The following SPOCK3 variants were observed in gnomAD, a reference collection of about 807,000 sequenced individuals.
SPOCK3 encodes the protein SPARC (osteonectin), cwcv and kazal like domains proteoglycan 3.
SPOCK3 carries 30 observed loss-of-function variants against 56.6 expected under a neutral mutation model. That is an observed-to-expected ratio of 0.53 (90% CI 0.40 to 0.72). The LOEUF is 0.72. SPOCK3 is among the 30% of genes least tolerant of loss of function. The pLI is 0.00. For synonymous variants in SPOCK3, 196 were observed against 183.3 expected (o/e 1.07, Z -0.56); for missense variants, 527 against 530.0 (o/e 0.99, Z 0.06).
intron 6 of SPOCK3, among the ~76,000 whole-genome samples, chr4:166,825,833 C>T (rs766643611): frequency 6.6e-6 from 1 of 151,978 alleles, no homozygotes; most frequent in Admixed American, 6.6e-5. Context: ...TAAGTGGGAG[C>T]TAAGCTATAA....
chr4:166,769,329 T>C (rs2126559546), intron 7 of SPOCK3, among the ~76,000 whole-genome samples: 1 of 151,102 alleles, frequency 6.6e-6, no homozygotes, highest in Non-Finnish European at 1.5e-5. Context: ...TATCTACCTT[T>C]GGTCTTTGAT....
chr4:167,081,113 G>T (rs1420167069), intron 2 of SPOCK3, among the ~76,000 whole-genome samples: 1 of 151,652 alleles, frequency 6.6e-6, no homozygotes, highest in African/African-American at 2.4e-5. Context: ...TTGCTCTTAT[G>T]CTGGCTTTTG....
intron 2 of SPOCK3, among the ~76,000 whole-genome samples, chr4:167,187,264 G>T (rs1475240777): frequency 1.1e-4 from 16 of 145,596 alleles, no homozygotes; most frequent in African/African-American, 4.1e-4. Context: ...CAACTTTAGG[G>T]TTCCAGTTTT....
chr4:166,744,181 A>T (rs1308004021), intron 8 of SPOCK3, among the ~76,000 whole-genome samples: 1 of 152,226 alleles, frequency 6.6e-6, no homozygotes, highest in Non-Finnish European at 1.5e-5. Context: ...ACCCCCGAGT[A>T]GCCTAACTGG....
intron 3 of SPOCK3, among the ~76,000 whole-genome samples, chr4:167,057,362 G>C (rs912903192): frequency 1.3e-5 from 2 of 152,138 alleles, no homozygotes; most frequent in Admixed American, 6.5e-5. Flanking sequence ...TCGAGGCTAG[G>C]AAGAAACTGC....
intron 8 of SPOCK3, among the ~76,000 whole-genome samples, chr4:166,748,870 A>G (rs193082355): frequency 7.2e-6 from 1 of 138,104 alleles, no homozygotes; most frequent in African/African-American, 3.1e-5. Flanking sequence ...TTATGCCACC[A>G]ACAGACACAG....
At chr4:166,967,238 G>A (rs6829167) in intron 4 of SPOCK3, among the ~76,000 whole-genome samples, 39,575 of 151,916 alleles carry the variant, frequency 0.26, 5,353 homozygotes, top group African/African-American at 0.32. Context: ...TCTGGCACCC[G>A]CCTAATCTGA....
At chr4:166,899,023 T>C (rs1287057209) in intron 5 of SPOCK3, among the ~76,000 whole-genome samples, 1 of 151,940 alleles carries the variant, frequency 6.6e-6, no homozygotes, top group Non-Finnish European at 1.5e-5. Context: ...TCTCTCTGCT[T>C]GAGACATCTA....
At chr4:167,127,623 C>T (rs2558126) in intron 2 of SPOCK3, among the ~76,000 whole-genome samples, 152,074 of 152,162 alleles carry the variant, frequency 1, 75,993 homozygotes, top group Middle Eastern at 1. Context: ...AGACAGGGTT[C>T]CACCGTGTTG....
intron 7 of SPOCK3, among the ~76,000 whole-genome samples, chr4:166,785,890 T>C (rs534814537): frequency 1.3e-5 from 2 of 152,296 alleles, no homozygotes; most frequent in East Asian, 1.9e-4. Context: ...CTTTTTGGTT[T>C]GTTCGTTCAA....
chr4:166,893,034 T>C (rs943325634), intron 5 of SPOCK3, among the ~76,000 whole-genome samples: 10 of 152,040 alleles, frequency 6.6e-5, no homozygotes, highest in South Asian at 4.1e-4. Flanking sequence ...AATGTCAAAA[T>C]TGACATTTGA....
chr4:167,128,635 A>T (rs976421507), intron 2 of SPOCK3, among the ~76,000 whole-genome samples: 4 of 152,298 alleles, frequency 2.6e-5, no homozygotes, highest in Admixed American at 2.0e-4. Context: ...ATACACTAAC[A>T]CTAATGATAG....
chr4:166,750,006 T>G (rs953665059), intron 8 of SPOCK3, among the ~76,000 whole-genome samples: 4 of 152,152 alleles, frequency 2.6e-5, no homozygotes, highest in Admixed American at 6.6e-5. Context: ...AGTCTATACC[T>G]GAAAATGCAC....
intron 6 of SPOCK3, among the ~76,000 whole-genome samples, chr4:166,883,524 C>T (rs952672391): frequency 2.6e-5 from 4 of 152,084 alleles, no homozygotes; most frequent in African/African-American, 9.7e-5. Context: ...GACCTCATAC[C>T]AAAATTTCAT....
At chr4:167,125,642 G>A (rs1187530182) in intron 2 of SPOCK3, among the ~76,000 whole-genome samples, 1 of 152,214 alleles carries the variant, frequency 6.6e-6, no homozygotes, top group East Asian at 1.9e-4. Context: ...GTGAACCCGG[G>A]AGGCGGAGCT....
intron 6 of SPOCK3, among the ~76,000 whole-genome samples, chr4:166,804,551 T>C (rs1267064834): frequency 1.3e-5 from 2 of 152,154 alleles, no homozygotes; most frequent in African/African-American, 4.8e-5. Flanking sequence ...CATCTAAAAC[T>C]TGCATTGTGA....
At chr4:167,170,643 T>C (rs1391806338) in intron 2 of SPOCK3, among the ~76,000 whole-genome samples, 1 of 152,188 alleles carries the variant, frequency 6.6e-6, no homozygotes, top group Non-Finnish European at 1.5e-5. Flanking sequence ...AGAACTTATC[T>C]TTGAATCCAG....
intron 2 of SPOCK3, among the ~76,000 whole-genome samples, chr4:167,089,085 G>T (rs2150306078): frequency 6.6e-6 from 1 of 151,932 alleles, no homozygotes; most frequent in African/African-American, 2.4e-5. Flanking sequence ...TTCTATAAAT[G>T]AAAAACAATA....
At chr4:166,933,534 G>C (rs1408334673) in intron 4 of SPOCK3, among the ~76,000 whole-genome samples, 1 of 152,008 alleles carries the variant, frequency 6.6e-6, no homozygotes, top group Admixed American at 6.6e-5. Context: ...TTTCCAAATA[G>C]GAAATTTATC....
Sources: allele counts gnomAD v4.1 joint callset (sites outside exome capture counted in the v4.1 genomes callset), GRCh38; gene constraint gnomAD v4.1.1; transcripts MANE v1.5; gene names NCBI Gene and HGNC (gene_info 2026-07-23, HGNC 2026-07-21).